Variants in TDRP observed in about 807,000 individuals in gnomAD.
TDRP encodes testis development related protein, also known as testis development-related protein.
A neutral mutation model predicts 10.5 loss-of-function variants in TDRP; 12 were observed. The ratio of observed to expected loss-of-function variants is 1.15; its 90% CI spans 0.73 to 1.86. TDRP has a LOEUF of 1.86. Ranked by LOEUF, TDRP falls within the 40% of genes most tolerant of loss-of-function variation. TDRP has a pLI of 0.00. For synonymous variants in TDRP, 139 were observed against 95.4 expected (o/e 1.46, Z -2.67); for missense variants, 353 against 229.2 (o/e 1.54, Z -3.49).
chr8:498,801 T>C (rs1452228856), intron 1 of TDRP, among the ~76,000 whole-genome samples: 1 of 152,170 alleles, frequency 6.6e-6, no homozygotes, highest in African/African-American at 2.4e-5. Context: ...GACTGGATCA[T>C]GGAAGCGGAT....
At chr8:539,343 G>GC (rs1802431753) in intron 1 of TDRP, among the ~76,000 whole-genome samples, 1 of 152,132 alleles carries the variant, frequency 6.6e-6, no homozygotes, top group Non-Finnish European at 1.5e-5. Flanking sequence ...CCAGGAAGCA[G>GC]CCCCTCACCA....
intron 1 of TDRP, among the ~76,000 whole-genome samples, chr8:502,264 G>A: frequency 6.6e-6 from 1 of 152,186 alleles, no homozygotes; most frequent in East Asian, 1.9e-4. Flanking sequence ...TTGAGAAACT[G>A]GCCATTCTGG....
intron 1 of TDRP, among the ~76,000 whole-genome samples, chr8:505,757 G>C (rs72507616): frequency 6.6e-6 from 1 of 152,186 alleles, no homozygotes; most frequent in East Asian, 1.9e-4. Context: ...AAGAGAAATC[G>C]TGAGCTGCTG....
At chr8:501,184 C>A (rs1013976686) in intron 1 of TDRP, among the ~76,000 whole-genome samples, 23 of 151,488 alleles carry the variant, frequency 1.5e-4, no homozygotes, top group Middle Eastern at 3.5e-3. Context: ...CCAGCCTGGG[C>A]GACAGAGTGA....
In TDRP at chr8:521,437, A is replaced by T. The variant is rs546777455; in HGVS notation, c.108+23213T>A. 2.5e-4 allele frequency among the ~76,000 whole-genome samples: 38 copies of T among 151,894 alleles called. 1 individual carries two copies. The East Asian group carries it at 7.4e-3, about 29-fold the overall frequency. ...GTCCCAAAAAACAAAAAAAGATACA[A>T]CTTCATTTTTTGCATGTGAATATCC... On this transcript the variant is annotated intron_variant, in intron 1 of 2. Transcript: ENST00000324079.
At chr8:507,961 G>C (rs921848788) in intron 1 of TDRP, among the ~76,000 whole-genome samples, 1 of 152,144 alleles carries the variant, frequency 6.6e-6, no homozygotes, top group African/African-American at 2.4e-5. Flanking sequence ...TCAACAGAAA[G>C]TTTTGAGGCA....
In TDRP at chr8:509,635, G is replaced by A. The variant is rs372178494; in HGVS notation, c.109-15038C>T. ...GCTCATCTGACCCATTTTTTCCTCC[G>A]GGCCTCCAGGCCTGTGATGGGAGGG... is the stretch of plus-strand genomic sequence containing the variant. On this transcript the variant is annotated intron_variant, in intron 1 of 2. Coordinates refer to ENST00000324079, the MANE Select transcript of TDRP (RefSeq NM_001384899.1). Among the ~76,000 whole-genome samples, 20 of 151,988 alleles carry A rather than the reference G, an allele frequency of 1.3e-4. No individual in the cohort carries two copies. In the East Asian group the frequency reaches 1.4e-3, roughly 10 times the overall value.
chr8:507,094 G>T (rs1373441575), intron 1 of TDRP, among the ~76,000 whole-genome samples: 2 of 152,138 alleles, frequency 1.3e-5, no homozygotes, highest in African/African-American at 4.8e-5. Flanking sequence ...TTCTTCACAA[G>T]GCAGCAGGAG....
chr8:515,517 T>G (rs1801733738), intron 1 of TDRP, among the ~76,000 whole-genome samples: 1 of 152,186 alleles, frequency 6.6e-6, no homozygotes, highest in South Asian at 2.1e-4. Flanking sequence ...CAATGGGCAT[T>G]TTTGTCGATC....
At chr8:528,581 G>A (rs1328119175) in intron 1 of TDRP, among the ~76,000 whole-genome samples, 1 of 132,878 alleles carries the variant, frequency 7.5e-6, no homozygotes, top group Non-Finnish European at 1.7e-5. Flanking sequence ...ACAACAGGAT[G>A]ACTACAGCCA....
intron 1 of TDRP, among the ~76,000 whole-genome samples, chr8:500,215 C>G (rs1801249439): frequency 6.6e-6 from 1 of 152,136 alleles, no homozygotes; most frequent in Admixed American, 6.5e-5. Flanking sequence ...TAAAAAAGTG[C>G]TTCATGTTTC....
chr8:490,417 G>A lies in TDRP; in HGVS notation c.*1982C>T, dbSNP rs920745945. ...AATTCTATGATTGACGTGAGTTGCAGGCACTTAGCGTTCCAACAGAGGCAC... is the reference window on the plus strand; with the variant it reads ...AATTCTATGATTGACGTGAGTTGCAAGCACTTAGCGTTCCAACAGAGGCAC... On this transcript the variant is annotated 3_prime_UTR_variant, in exon 3 of 3. Coordinates refer to ENST00000324079, the MANE Select transcript of TDRP (RefSeq NM_001384899.1). 3 of 152,190 alleles carry A rather than the reference G, an allele frequency of 2.0e-5. No homozygotes were observed. Among genetic ancestry groups the A allele is most frequent in the Non-Finnish European group, 2.9e-5 (2 of 68,052 alleles). The allele number at this position is 152,190 out of a possible 1,614,324, so 9.4% of individuals were successfully genotyped here.
At chr8:501,531 A>C (rs1254152791) in intron 1 of TDRP, among the ~76,000 whole-genome samples, 1 of 151,712 alleles carries the variant, frequency 6.6e-6, no homozygotes, top group Non-Finnish European at 1.5e-5. Context: ...ATTTTTAGTA[A>C]AGATAGGGTT....
At chr8:502,106 G>A (rs376134924) in intron 1 of TDRP, among the ~76,000 whole-genome samples, 3 of 152,318 alleles carry the variant, frequency 2.0e-5, no homozygotes, top group African/African-American at 4.8e-5. Flanking sequence ...TGAAAATGCT[G>A]TGATCCTGGG....
chr8:515,763 A>T (rs1035461723), intron 1 of TDRP, among the ~76,000 whole-genome samples: 1 of 152,198 alleles, frequency 6.6e-6, no homozygotes, highest in Non-Finnish European at 1.5e-5. Context: ...AGGAAAATAT[A>T]ATTTTTATCA....
chr8:495,967 C>T (rs546673197), intron 1 of TDRP, among the ~76,000 whole-genome samples: 18 of 152,302 alleles, frequency 1.2e-4, no homozygotes, highest in African/African-American at 4.1e-4. Flanking sequence ...CATCTGTAGA[C>T]GGGGGACAGG....
chr8:530,841 C>T (rs956015059), intron 1 of TDRP, among the ~76,000 whole-genome samples: 16 of 152,172 alleles, frequency 1.1e-4, no homozygotes, highest in Non-Finnish European at 2.1e-4. Flanking sequence ...TTCCACTCTT[C>T]CCATTCCTGC....
chr8:528,629 A>G lies in TDRP; in HGVS notation c.108+16021T>C, dbSNP rs1802099967. ...AATTGTACTTTTAAAAAATAAGAGT[A>G]TAATTGGATTGTTTGTAACACAAAG... On this transcript the variant is annotated intron_variant, in intron 1 of 2. Coordinates refer to ENST00000324079, the MANE Select transcript of TDRP (RefSeq NM_001384899.1). Among the ~76,000 whole-genome samples, 2 of 131,082 alleles carry G rather than the reference A, an allele frequency of 1.5e-5. 1 individual carries two copies. The highest frequency in any genetic ancestry group is 3.5e-5 in the Non-Finnish European group (2 of 57,908). The allele number at this position is 131,082 out of a possible 152,430, so 86.0% of individuals were successfully genotyped here.
chr8:497,184 A>C (rs561447139), intron 1 of TDRP, among the ~76,000 whole-genome samples: 4 of 152,368 alleles, frequency 2.6e-5, no homozygotes, highest in East Asian at 1.9e-4. Context: ...GTCCAGAAGA[A>C]GACTGGAAGA....
Sources: gnomAD v4.1 joint callset for allele counts (sites outside exome capture counted in the v4.1 genomes callset) on GRCh38, gnomAD v4.1.1 for gene constraint, MANE v1.5 for transcripts, NCBI Gene and HGNC (gene_info 2026-07-23, HGNC 2026-07-21) for gene names.